RBMS3: variants seen among roughly 807,000 people sequenced by gnomAD.
The protein encoded by RBMS3 is RNA binding motif single stranded interacting protein 3.
RBMS3 carries 27 observed loss-of-function variants against 66.8 expected under a neutral mutation model. The observed-to-expected ratio is 0.40, with a 90% CI of 0.30 to 0.56. The LOEUF (loss-of-function observed/expected upper bound fraction) is 0.56, where lower values mean the gene tolerates loss of function less well. Ranked by LOEUF, RBMS3 falls within the 20% of genes least tolerant of loss-of-function variation. RBMS3 has a pLI of 0.40. For synonymous variants in RBMS3, 188 were observed against 183.0 expected (o/e 1.03, Z -0.22); for missense variants, 513 against 549.5 (o/e 0.93, Z 0.66).
At position 29,386,257 on chromosome 3, in the gene RBMS3, A is replaced by G. The variant is rs77150220; in HGVS notation, c.76-48486A>G. ...CCTTAAGTGGGTTCTCGGTGCTGCC[A>G]CGCAACCTATTATATTTTTCTAGTC... On this transcript the variant is annotated intron_variant, in intron 1 of 14. Coordinates refer to ENST00000383767, the MANE Select transcript of RBMS3 (RefSeq NM_001003793.3). Among the ~76,000 whole-genome samples, 1,133 of 152,106 alleles carry G rather than the reference A, an allele frequency of 7.4e-3. 10 individuals are homozygous for G. The highest frequency in any genetic ancestry group is 0.022 in the South Asian group (104 of 4,810).
chr3:29,596,696 C>T (rs1407148847), intron 4 of RBMS3, among the ~76,000 whole-genome samples: 1 of 152,160 alleles, frequency 6.6e-6, no homozygotes, highest in Non-Finnish European at 1.5e-5. Flanking sequence ...TTTCTAGTCT[C>T]TTCAGCGGAG....
intron 3 of RBMS3, among the ~76,000 whole-genome samples, chr3:29,512,501 A>C (rs2148957594): frequency 6.6e-6 from 1 of 152,296 alleles, no homozygotes; most frequent in Admixed American, 6.5e-5. Context: ...AAAAGTCTTA[A>C]AACTTTAAGA....
At chr3:29,490,240 C>T (rs911981347) in intron 3 of RBMS3, among the ~76,000 whole-genome samples, 1 of 149,078 alleles carries the variant, frequency 6.7e-6, no homozygotes. Context: ...GTTATTTCAG[C>T]AAAGGTGTGT....
chr3:29,975,723 A>C (rs1697540570), intron 12 of RBMS3, among the ~76,000 whole-genome samples: 2 of 151,944 alleles, frequency 1.3e-5, no homozygotes, highest in South Asian at 4.1e-4. Flanking sequence ...TAAGCACACT[A>C]TCTTAATTAC....
At chr3:30,000,438 G>C (rs1168301291) in intron 14 of RBMS3, among the ~76,000 whole-genome samples, 1 of 152,198 alleles carries the variant, frequency 6.6e-6, no homozygotes, top group African/African-American at 2.4e-5. Context: ...TACACTGTTG[G>C]TGGGAGTGTA....
chr3:29,644,453 T>C (rs2049842166), intron 4 of RBMS3, among the ~76,000 whole-genome samples: 1 of 152,168 alleles, frequency 6.6e-6, no homozygotes, highest in African/African-American at 2.4e-5. Context: ...ATCATAAGTA[T>C]ATTTGAGCCT....
At chr3:29,948,499 C>T (rs1042452717) in intron 12 of RBMS3, among the ~76,000 whole-genome samples, 1 of 151,690 alleles carries the variant, frequency 6.6e-6, no homozygotes, top group African/African-American at 2.4e-5. Context: ...AGAACAAGAC[C>T]ATCTTTCAAG....
intron 6 of RBMS3, among the ~76,000 whole-genome samples, chr3:29,778,429 C>CT (rs36069878): frequency 0.11 from 15,621 of 142,938 alleles, 1,233 homozygotes; most frequent in African/African-American, 0.22. Flanking sequence ...TATCAATAAA[C>CT]TTTTTTTTTT....
intron 1 of RBMS3, among the ~76,000 whole-genome samples, chr3:29,369,519 C>T (rs868825780): frequency 3.3e-5 from 5 of 150,810 alleles, no homozygotes; most frequent in Middle Eastern, 3.4e-3. Context: ...CACACACACA[C>T]ACACACACAC....
chr3:29,706,816 A>C (rs1305773791), intron 4 of RBMS3, among the ~76,000 whole-genome samples: 1 of 152,238 alleles, frequency 6.6e-6, no homozygotes, highest in African/African-American at 2.4e-5. Flanking sequence ...TGCTTTTCCA[A>C]GTTACCCTAA....
intron 6 of RBMS3, among the ~76,000 whole-genome samples, chr3:29,824,521 A>T (rs1240501523): frequency 6.6e-6 from 1 of 152,174 alleles, no homozygotes; most frequent in Non-Finnish European, 1.5e-5. Flanking sequence ...CCTTTGTGTA[A>T]ATCTGTTCTC....
intron 1 of RBMS3, among the ~76,000 whole-genome samples, chr3:29,360,816 T>A (rs945697373): frequency 1.3e-5 from 2 of 152,086 alleles, no homozygotes; most frequent in African/African-American, 4.8e-5. Context: ...CTTCTTTGTC[T>A]CTTTTGATCT....
In RBMS3 at chr3:29,572,635, T is replaced by G. The variant is rs9875010; in HGVS notation, c.308-14479T>G. 3.9e-3 allele frequency among the ~76,000 whole-genome samples: 601 copies of G among 152,290 alleles called. 6 individuals are homozygous for G. Among genetic ancestry groups the G allele is most frequent in the African/African-American group, 0.013 (553 of 41,560 alleles). On this transcript the variant is annotated intron_variant, in intron 3 of 14. Transcript: ENST00000383767. ...GTAAATCCCACATGGTCATGATGAGTGATCATCTTAATGTATTGTTGAATT... is the reference window on the plus strand; with the variant it reads ...GTAAATCCCACATGGTCATGATGAGGGATCATCTTAATGTATTGTTGAATT...
chr3:29,644,445 C>T (rs1400324647), intron 4 of RBMS3, among the ~76,000 whole-genome samples: 1 of 152,100 alleles, frequency 6.6e-6, no homozygotes, highest in Non-Finnish European at 1.5e-5. Context: ...GTTGCTGAAT[C>T]ATAAGTATAT....
At chr3:29,491,349 C>T (rs1220208027) in intron 3 of RBMS3, among the ~76,000 whole-genome samples, 1 of 152,112 alleles carries the variant, frequency 6.6e-6, no homozygotes, top group East Asian at 1.9e-4. Flanking sequence ...AGAAAACTTA[C>T]CTCCAAAGTG....
intron 5 of RBMS3, among the ~76,000 whole-genome samples, chr3:29,744,910 T>C (rs1298848684): frequency 6.6e-6 from 1 of 152,224 alleles, no homozygotes; most frequent in East Asian, 1.9e-4. Context: ...GAATAATTTT[T>C]TCAGTGGACT....
chr3:29,799,865 TG>T (rs1257888547), intron 6 of RBMS3, among the ~76,000 whole-genome samples: 1 of 152,204 alleles, frequency 6.6e-6, no homozygotes, highest in African/African-American at 2.4e-5. Context: ...CCACATCCTC[TG>T]GCCCATTGGG....
At chr3:29,626,226 G>A (rs72846018) in intron 4 of RBMS3, among the ~76,000 whole-genome samples, 2,076 of 152,250 alleles carry the variant, frequency 0.014, 48 homozygotes, top group African/African-American at 0.047. Flanking sequence ...TAAACTCTGC[G>A]TTTGGGAGTC....
At chr3:29,295,153 G>A (rs2033136372) in intron 1 of RBMS3, among the ~76,000 whole-genome samples, 1 of 150,936 alleles carries the variant, frequency 6.6e-6, no homozygotes, top group African/African-American at 2.4e-5. Context: ...CTGTGATTTT[G>A]GTTTGGACTT....
Sources: gnomAD v4.1 joint callset for allele counts (sites outside exome capture counted in the v4.1 genomes callset) on GRCh38, gnomAD v4.1.1 for gene constraint, MANE v1.5 for transcripts, NCBI Gene and HGNC (gene_info 2026-07-23, HGNC 2026-07-21) for gene names.